The following CXCR6 variants were observed in gnomAD, a reference collection of about 807,000 sequenced individuals.
CXCR6 encodes C-X-C chemokine receptor type 6.
In CXCR6, 3 loss-of-function variants were observed where a neutral mutation model predicts 1.6. That is an observed-to-expected ratio of 1.83 (90% CI 0.83 to 4.72). The LOEUF (loss-of-function observed/expected upper bound fraction) is 4.72, where lower values mean the gene tolerates loss of function less well. CXCR6 is among the 30% of genes most tolerant of loss of function. The pLI, the probability that CXCR6 is intolerant of heterozygous loss-of-function variation, is 0.02. For missense variants in CXCR6, 326 were observed against 414.8 expected (o/e 0.79, Z 1.86); for synonymous variants, 171 against 159.2 (o/e 1.07, Z -0.56).
At position 45,943,713 on chromosome 3, in the gene CXCR6, G is replaced by C. The variant is rs950646688; in HGVS notation, c.-22+173G>C. Reference sequence around the variant, plus strand: ...ATCACTGCCATTTGCTGCTGTGTGGGTTAAACTGGAGAAACATGAAAACTA... The same window carrying C: ...ATCACTGCCATTTGCTGCTGTGTGGCTTAAACTGGAGAAACATGAAAACTA... On this transcript the variant is annotated intron_variant, in intron 1 of 1. Coordinates refer to ENST00000304552, the MANE Select transcript of CXCR6 (RefSeq NM_006564.2). Among the ~76,000 whole-genome samples, 3 of 152,166 alleles carry C rather than the reference G, an allele frequency of 2.0e-5. No individual in the cohort carries two copies. In the East Asian group the frequency reaches 5.8e-4, roughly 29 times the overall value.
At chr3:45,942,264 G>T (rs1704274366), upstream of CXCR6, among the ~76,000 whole-genome samples, 1 of 152,210 alleles carries the variant, frequency 6.6e-6, no homozygotes, top group African/African-American at 2.4e-5. Flanking sequence ...TGGGCAAGTG[G>T]GCTAATCTCT....
chr3:45,945,892 C>A (rs1465900514), intron 1 of CXCR6: 1 of 152,492 alleles, frequency 6.6e-6, no homozygotes, highest in Non-Finnish European at 1.5e-5. Context: ...GACTACCTAC[C>A]CAGGCAGAGC....
chr3:45,946,140 C>A, intron 1 of CXCR6: 1 of 254,076 alleles, frequency 3.9e-6, no homozygotes, highest in Non-Finnish European at 7.6e-6. Flanking sequence ...ACTGTGCCCA[C>A]CTGGCAGCAA....
chr3:45,946,727 C>T lies in CXCR6; in HGVS notation c.246C>T (p.Cys82=). 6.2e-7 allele frequency: 1 copy of T among 1,614,240 alleles called. No homozygotes were observed. Among genetic ancestry groups the T allele is most frequent in the Non-Finnish European group, 8.5e-7 (1 of 1,180,044 alleles). The change falls in exon 2 of 2, where the codon TGC becomes TGT. Residue 82 remains cysteine, a synonymous_variant. Transcript: ENST00000304552. ...NLPLADLVFV[C]TLPFWAYAGI... ...CCCTGGCTGACCTGGTGTTTGTCTG[C>T]ACTCTGCCCTTCTGGGCCTATGCAG... is the stretch of plus-strand genomic sequence containing the variant.
Position 45,947,826 on chromosome 3 carries a change from G to A in CXCR6, c.*316G>A. ...GTTCTCCTTGATTGGGACTGGGGCTGAAGGTTGAAGAGGTGAGCACGGCCA... is the reference window on the plus strand; with the variant it reads ...GTTCTCCTTGATTGGGACTGGGGCTAAAGGTTGAAGAGGTGAGCACGGCCA... On this transcript the variant is annotated 3_prime_UTR_variant, in exon 2 of 2. Transcript: ENST00000304552. 3.0e-6 allele frequency: 1 copy of A among 329,224 alleles called. No homozygotes were observed. Among genetic ancestry groups the A allele is most frequent in the Non-Finnish European group, 5.9e-6 (1 of 168,556 alleles). The allele number at this position is 329,224 out of a possible 1,614,324, so 20.4% of individuals were successfully genotyped here. A position where few individuals can be genotyped will look rare whatever the true frequency, so the allele number is the denominator to read the frequency against.
At chr3:45,941,399 T>G (rs1238118290), upstream of CXCR6, 5 of 152,234 alleles carry the variant, frequency 3.3e-5, no homozygotes, top group Non-Finnish European at 5.9e-5. Context: ...TAGAAAATGT[T>G]TAGGTATTTC....
In CXCR6 at chr3:45,947,030, T is replaced by G; in HGVS notation, c.549T>G (p.His183Gln). 1 of 1,614,236 alleles carries G rather than the reference T, an allele frequency of 6.2e-7. No homozygotes were observed. ...TCGACAAGCTCATATGTGGTTACCA[T>G]GACGAGGCAATTTCCACTGTGGTTC... ...FNLDKLICGY[H>Q]DEAISTVVLA... is the part of the protein sequence containing the mutation. Residue 183 changes from histidine (H) to glutamine (Q), a missense_variant, in exon 2 of 2, where the codon CAT (histidine) becomes CAG (glutamine). Transcript: ENST00000304552.
At position 45,947,521 on chromosome 3, in the gene CXCR6, G is replaced by A. The variant is rs1271658746; in HGVS notation, c.*11G>A. On this transcript the variant is annotated 3_prime_UTR_variant, in exon 2 of 2. Coordinates refer to ENST00000304552, the MANE Select transcript of CXCR6 (RefSeq NM_006564.2). ...ATGTTCCAGTTATAGGCCTTGCCAG[G>A]GTTTCGAGAAGCTGCTCTGGAATTT... is the stretch of plus-strand genomic sequence containing the variant. 3.1e-6 allele frequency: 5 copies of A among 1,605,640 alleles called. No homozygotes were observed. The highest frequency in any genetic ancestry group is 1.3e-5 in the African/African-American group (1 of 74,600).
upstream of CXCR6, among the ~76,000 whole-genome samples, chr3:45,942,718 A>T (rs1704306144): frequency 6.6e-6 from 1 of 152,182 alleles, no homozygotes; most frequent in Admixed American, 6.5e-5. Context: ...TGACAACTAG[A>T]ACTGTACTGA....
intron 1 of CXCR6, chr3:45,946,014 G>C (rs1178942137): frequency 6.3e-6 from 1 of 158,562 alleles, no homozygotes; most frequent in Non-Finnish European, 1.4e-5. Flanking sequence ...TGGGGCTCAG[G>C]ATGGGTGGGC....
chr3:45,946,377 C>G, intron 1 of CXCR6, 84 bp from the exon 2 acceptor site: 1 of 977,358 alleles, frequency 1.0e-6, no homozygotes, highest in Non-Finnish European at 1.6e-6. Flanking sequence ...ACTATTTGCC[C>G]CCTAAATGTG....
Position 45,947,612 on chromosome 3 carries a change from T to C in CXCR6, c.*102T>C, listed in dbSNP as rs1399936267. On this transcript the variant is annotated 3_prime_UTR_variant, in exon 2 of 2. Coordinates refer to ENST00000304552, the MANE Select transcript of CXCR6 (RefSeq NM_006564.2). ...TTTGTTTATAGCTTGCGCATTCTCA[T>C]GGAGAAGTTATCAGACACTCTGGCT... is the stretch of plus-strand genomic sequence containing the variant. 3 of 884,290 alleles carry C rather than the reference T, an allele frequency of 3.4e-6. No homozygotes were observed. In the African/African-American group the frequency reaches 5.0e-5, roughly 15 times the overall value. The allele number at this position is 884,290 out of a possible 1,614,324, so 54.8% of individuals were successfully genotyped here. A position where few individuals can be genotyped will look rare whatever the true frequency, so the allele number is the denominator to read the frequency against.
chr3:45,946,075 C>T (rs1704580478), intron 1 of CXCR6: 1 of 177,620 alleles, frequency 5.6e-6, no homozygotes, highest in Admixed American at 5.4e-5. Flanking sequence ...CATTGATGAG[C>T]TCATATTATC....
chr3:45,947,079 T>G lies in CXCR6; in HGVS notation c.598T>G (p.Phe200Val), dbSNP rs1451242618. ...VVLATQMTLGFFLPLLTMIVC... is the reference protein window; with the variant it reads ...VVLATQMTLGVFLPLLTMIVC... ...TCTTGCCACCCAGATGACACTGGGGTTCTTCTTGCCACTGCTCACCATGAT... is the reference window on the plus strand; with the variant it reads ...TCTTGCCACCCAGATGACACTGGGGGTCTTCTTGCCACTGCTCACCATGAT... Residue 200 changes from phenylalanine (F) to valine (V), a missense_variant, in exon 2 of 2, where the codon TTC (phenylalanine) becomes GTC (valine). Transcript: ENST00000304552. The G allele has an allele frequency of 6.2e-7, 1 of 1,614,026 alleles. No individual in the cohort carries two copies.
intron 1 of CXCR6, among the ~76,000 whole-genome samples, chr3:45,944,677 C>T (rs1430623923): frequency 3.9e-5 from 6 of 152,152 alleles, no homozygotes; most frequent in Non-Finnish European, 7.3e-5. Flanking sequence ...AATTATTATA[C>T]ATCAAAGTTT....
chr3:45,947,209 C>T lies in CXCR6; in HGVS notation c.728C>T (p.Thr243Ile). 6.2e-7 allele frequency: 1 copy of T among 1,614,144 alleles called. No individual in the cohort carries two copies. The highest frequency in any genetic ancestry group is 8.5e-7 in the Non-Finnish European group (1 of 1,180,032). Residue 243 changes from threonine (T) to isoleucine (I), a missense_variant, in exon 2 of 2, where the codon ACC becomes ATC. Transcript: ENST00000304552. Reference sequence around the variant, plus strand: ...CTGGTGATGGCTGTGTTCCTGCTGACCCAGATGCCCTTCAACCTCATGAAG... The same window carrying T: ...CTGGTGATGGCTGTGTTCCTGCTGATCCAGATGCCCTTCAACCTCATGAAG... The part of the protein sequence containing the change: ...IFLVMAVFLL[T>I]QMPFNLMKFI...
At position 45,946,734 on chromosome 3, in the gene CXCR6, C is replaced by A; in HGVS notation, c.253C>A (p.Pro85Thr). ...TGACCTGGTGTTTGTCTGCACTCTGCCCTTCTGGGCCTATGCAGGCATCCA... is the reference window on the plus strand; with the variant it reads ...TGACCTGGTGTTTGTCTGCACTCTGACCTTCTGGGCCTATGCAGGCATCCA... Reference protein sequence around the residue: ...LADLVFVCTLPFWAYAGIHEW... With the variant: ...LADLVFVCTLTFWAYAGIHEW... Residue 85 changes from proline (P) to threonine (T), a missense_variant, in exon 2 of 2, where the codon CCC becomes ACC. Physicochemically the swap from Pro to Thr is conservative, Grantham distance 38. Transcript: ENST00000304552. 1 of 1,614,232 alleles carries A rather than the reference C, an allele frequency of 6.2e-7. No homozygotes were observed. Among genetic ancestry groups the A allele is most frequent in the Non-Finnish European group, 8.5e-7 (1 of 1,180,038 alleles).
At chr3:45,942,405 G>A (rs115192433), upstream of CXCR6, among the ~76,000 whole-genome samples, 592 of 152,334 alleles carry the variant, frequency 3.9e-3, 8 homozygotes, top group African/African-American at 0.013. Flanking sequence ...CCTGGTCCCT[G>A]CTCCCAATGC....
In CXCR6 at chr3:45,946,817, C is replaced by A. The variant is rs773049711; in HGVS notation, c.336C>A (p.Asn112Lys). The change falls in exon 2 of 2, where the codon AAC (asparagine) becomes AAA (lysine). Residue 112 changes from asparagine (N) to lysine (K), a missense_variant. Physicochemically the swap from Asn to Lys is moderately conservative, Grantham distance 94 (BLOSUM62 0). Coordinates refer to ENST00000304552, the MANE Select transcript of CXCR6 (RefSeq NM_006564.2). ...GCCTACTGGGCATCTACACTATTAA[C>A]TTCTACACGTCCATGCTCATCCTCA... ...CKSLLGIYTI[N>K]FYTSMLILTC... The A allele has an allele frequency of 1.9e-6, 3 of 1,614,236 alleles. No homozygotes were observed. The highest frequency in any genetic ancestry group is 2.2e-5 in the South Asian group (2 of 91,092).
Sources: gnomAD v4.1 joint callset for allele counts (sites outside exome capture counted in the v4.1 genomes callset) on GRCh38, gnomAD v4.1.1 for gene constraint, MANE v1.5 for transcripts, NCBI Gene and HGNC (gene_info 2026-07-23, HGNC 2026-07-21) for gene names.